The following FOXN3 variants were observed in gnomAD, a reference collection of about 807,000 sequenced individuals.
FOXN3 encodes the protein forkhead box protein N3.
Under a neutral mutation model 38.4 loss-of-function variants are expected in FOXN3, and 7 were observed. The observed-to-expected ratio is 0.18, with a 90% CI of 0.10 to 0.34. The LOEUF (loss-of-function observed/expected upper bound fraction) is 0.34. Ranked by LOEUF, FOXN3 falls within the 10% of genes least tolerant of loss-of-function variation. The probability of loss-of-function intolerance (pLI) is 1.00; values close to 1 mark genes in which losing one functional copy is unlikely to be tolerated. For missense variants in FOXN3, 456 were observed against 613.4 expected (o/e 0.74, Z 2.71); for synonymous variants, 230 against 242.2 (o/e 0.95, Z 0.47).
chr14:89,183,346 TTC>T (rs1456428983), intron 4 of FOXN3, among the ~76,000 whole-genome samples: 7 of 152,210 alleles, frequency 4.6e-5, no homozygotes, highest in African/African-American at 1.7e-4. Flanking sequence ...ACAGTTGTAA[TTC>T]ACGTCAGTAA....
At chr14:89,340,330 ATGTCTCAACT>A (rs1156379098) in intron 3 of FOXN3, among the ~76,000 whole-genome samples, 2 of 152,214 alleles carry the variant, frequency 1.3e-5, no homozygotes, top group Non-Finnish European at 1.5e-5. Context: ...CACAGGAAAC[ATGTCTCAACT>A]TGGACTATGG....
chr14:89,409,352 C>G (rs7153763), intron 2 of FOXN3: 143,685 of 145,378 alleles, frequency 0.99, 71,043 homozygotes, highest in Middle Eastern at 1. Context: ...CGGTGGGGGA[C>G]GGGGGGGTCG....
chr14:89,245,252 G>A (rs938879088), intron 4 of FOXN3, among the ~76,000 whole-genome samples: 4 of 152,122 alleles, frequency 2.6e-5, no homozygotes, highest in African/African-American at 9.7e-5. Context: ...TACGCAGGTG[G>A]GTCATTCGGG....
intron 1 of FOXN3, among the ~76,000 whole-genome samples, chr14:89,443,419 T>C (rs1892428010): frequency 6.6e-6 from 1 of 152,136 alleles, no homozygotes; most frequent in South Asian, 2.1e-4. Flanking sequence ...ACATGGGACT[T>C]CAGTTAAAGA....
chr14:89,438,698 C>T (rs1032106890), intron 1 of FOXN3, among the ~76,000 whole-genome samples: 2 of 152,008 alleles, frequency 1.3e-5, no homozygotes, highest in South Asian at 4.2e-4. Context: ...ACATATACTT[C>T]CTTGTGTTTT....
chr14:89,316,139 G>A (rs1002945341), intron 3 of FOXN3, among the ~76,000 whole-genome samples: 1 of 152,162 alleles, frequency 6.6e-6, no homozygotes, highest in African/African-American at 2.4e-5. Flanking sequence ...AGAAACTGTT[G>A]CGTATTGTGT....
intron 3 of FOXN3, among the ~76,000 whole-genome samples, chr14:89,281,328 C>A (rs1340896471): frequency 1.3e-5 from 2 of 152,182 alleles, no homozygotes; most frequent in African/African-American, 4.8e-5. Flanking sequence ...AGGATATTTG[C>A]TAACCTATTC....
chr14:89,178,002 GCTTT>G (rs1480922608), intron 5 of FOXN3, among the ~76,000 whole-genome samples: 1 of 151,976 alleles, frequency 6.6e-6, no homozygotes, highest in African/African-American at 2.4e-5. Flanking sequence ...TCACAGCTTT[GCTTT>G]CTTTCTAATC....
intron 4 of FOXN3, among the ~76,000 whole-genome samples, chr14:89,244,743 G>A (rs1201394176): frequency 6.6e-6 from 1 of 152,162 alleles, no homozygotes; most frequent in Non-Finnish European, 1.5e-5. Flanking sequence ...TGAAAATCCG[G>A]TTACCCTTCA....
At chr14:89,394,085 A>T (rs1435563689) in intron 2 of FOXN3, among the ~76,000 whole-genome samples, 1 of 151,980 alleles carries the variant, frequency 6.6e-6, no homozygotes, top group Non-Finnish European at 1.5e-5. Flanking sequence ...GCCAAAACTC[A>T]TCCTTTTATA....
At chr14:89,344,278 A>C (rs555457458) in intron 3 of FOXN3, among the ~76,000 whole-genome samples, 7 of 152,220 alleles carry the variant, frequency 4.6e-5, no homozygotes, top group Non-Finnish European at 1.0e-4. Flanking sequence ...AAAAAAAAAA[A>C]AAAACCATCT....
intron 4 of FOXN3, among the ~76,000 whole-genome samples, chr14:89,270,826 T>C (rs1435744577): frequency 1.3e-5 from 2 of 152,098 alleles, no homozygotes; most frequent in African/African-American, 4.8e-5. Flanking sequence ...AGGTGGCAAT[T>C]AGGAAGCAAG....
intron 1 of FOXN3, among the ~76,000 whole-genome samples, chr14:89,517,318 A>C (rs1052842834): frequency 4.0e-5 from 6 of 148,714 alleles, no homozygotes; most frequent in African/African-American, 1.5e-4. Context: ...AGCCGAGATC[A>C]CACTCCAGCC....
chr14:89,483,831 A>G (rs1229197223), intron 1 of FOXN3, among the ~76,000 whole-genome samples: 1 of 152,246 alleles, frequency 6.6e-6, no homozygotes, highest in Non-Finnish European at 1.5e-5. Flanking sequence ...CCAGATTGGG[A>G]AAAAGCATTG....
intron 1 of FOXN3, among the ~76,000 whole-genome samples, chr14:89,614,561 C>G (rs1253534201): frequency 6.6e-6 from 1 of 152,196 alleles, no homozygotes; most frequent in African/African-American, 2.4e-5. Flanking sequence ...AAAGTTCTCT[C>G]TTTCGCTAAG....
chr14:89,343,489 T>TAA lies in FOXN3; in HGVS notation c.680+7181_680+7182dup, dbSNP rs5810455. On this transcript the variant is annotated intron_variant, in intron 3 of 5. Transcript: ENST00000557258. ...TATTACTCTATGAAGACATTTAAAT[T>TAA]AAAAAAAAAAAAGGACATCAATAGG... Among the ~76,000 whole-genome samples the TAA allele has an allele frequency of 5.7e-3, 827 of 145,752 alleles. 4 individuals carry two copies. Among genetic ancestry groups the TAA allele is most frequent in the Middle Eastern group, 0.014 (4 of 284 alleles).
At chr14:89,255,132 T>G (rs1045478909) in intron 4 of FOXN3, among the ~76,000 whole-genome samples, 2 of 152,236 alleles carry the variant, frequency 1.3e-5, no homozygotes, top group Non-Finnish European at 2.9e-5. Context: ...CAGCGACTCC[T>G]TCTTCTGATG....
At chr14:89,279,966 T>C (rs1488744707) in intron 4 of FOXN3, among the ~76,000 whole-genome samples, 1 of 152,168 alleles carries the variant, frequency 6.6e-6, no homozygotes, top group Non-Finnish European at 1.5e-5. Context: ...GCCCTCAGCC[T>C]CTACTTCTAA....
intron 3 of FOXN3, among the ~76,000 whole-genome samples, chr14:89,302,793 TCCACCTCCACCCTCTTCAAAGGCTGC>T (rs769432798): frequency 2.4e-4 from 37 of 152,162 alleles, no homozygotes; most frequent in Non-Finnish European, 1.9e-4. Context: ...CCCTTCTCTG[TCCACCTCCACCCTCTTCAAAGGCTGC>T]CCACCTCCGC....
Sources: allele counts gnomAD v4.1 joint callset (sites outside exome capture counted in the v4.1 genomes callset), GRCh38; gene constraint gnomAD v4.1.1; transcripts MANE v1.5; gene names NCBI Gene and HGNC (gene_info 2026-07-23, HGNC 2026-07-21).